The following CYSTM1 variants were observed in gnomAD, a reference collection of about 807,000 sequenced individuals.
CYSTM1 encodes the protein cysteine rich transmembrane module containing 1.
Under a neutral mutation model 13.1 loss-of-function variants are expected in CYSTM1, and 4 were observed. That is an observed-to-expected ratio of 0.31 (90% CI 0.15 to 0.70). The LOEUF is 0.70. CYSTM1 is among the 30% of genes least tolerant of loss of function. The pLI is 0.72. For synonymous variants in CYSTM1, 36 were observed against 42.7 expected, an observed-to-expected ratio of 0.84 and a Z score of 0.62; for missense variants, 96 against 121.6, an observed-to-expected ratio of 0.79 and a Z score of 0.99.
chr5:140,208,156 C>G (rs1033684949), intron 2 of CYSTM1, among the ~76,000 whole-genome samples: 3 of 152,224 alleles, frequency 2.0e-5, no homozygotes, highest in African/African-American at 7.2e-5. Flanking sequence ...TTTGTTGCAG[C>G]TTTGTTCACA....
At chr5:140,193,387 G>A (rs896993529) in intron 1 of CYSTM1, among the ~76,000 whole-genome samples, 4 of 152,122 alleles carry the variant, frequency 2.6e-5, no homozygotes, top group African/African-American at 2.4e-5. Context: ...AAGTTCAAGC[G>A]ATTCTCCTGC....
At position 140,194,543 on chromosome 5, in the gene CYSTM1, G is replaced by A. The variant is rs993099528; in HGVS notation, c.78G>A (p.Met26Ile). Residue 26 changes from methionine (M) to isoleucine (I), a missense_variant, in exon 2 of 3, where the codon ATG (methionine) becomes ATA (isoleucine). By Grantham distance (10) the Met-to-Ile change is conservative. Coordinates refer to ENST00000261811, the MANE Select transcript of CYSTM1 (RefSeq NM_032412.4). Reference protein sequence around the residue: ...APYPPYPPQPMGPGPMGGPYP... With the variant: ...APYPPYPPQPIGPGPMGGPYP... ...ACCCACCTTATCCACCACAACCAAT[G>A]GGTCCAGGACCTATGGGGGGACCCT... 1 of 1,613,658 alleles carries A rather than the reference G, an allele frequency of 6.2e-7. No homozygotes were observed.
intron 1 of CYSTM1, among the ~76,000 whole-genome samples, chr5:140,183,648 G>A (rs943027585): frequency 1.3e-5 from 2 of 152,246 alleles, no homozygotes; most frequent in Admixed American, 6.5e-5. Flanking sequence ...GCAGTATGGG[G>A]AAGGTATTAT....
At chr5:140,227,635 G>A (rs1041107468) in intron 2 of CYSTM1, among the ~76,000 whole-genome samples, 2 of 152,174 alleles carry the variant, frequency 1.3e-5, no homozygotes, top group Non-Finnish European at 2.9e-5. Context: ...AGGCAGCCCA[G>A]GACTGAGGAT....
chr5:140,196,815 T>C (rs1257535535), intron 2 of CYSTM1, among the ~76,000 whole-genome samples: 1 of 152,164 alleles, frequency 6.6e-6, no homozygotes, highest in Non-Finnish European at 1.5e-5. Flanking sequence ...AAAAACTATG[T>C]ATGATGCCAG....
chr5:140,232,983 T>C (rs1764634618), intron 2 of CYSTM1, among the ~76,000 whole-genome samples: 1 of 152,194 alleles, frequency 6.6e-6, no homozygotes, highest in South Asian at 2.1e-4. Flanking sequence ...ATCCATGCCC[T>C]GGGGAGGTCC....
intron 1 of CYSTM1, among the ~76,000 whole-genome samples, chr5:140,177,286 T>G (rs760442610): frequency 5.3e-5 from 8 of 152,066 alleles, no homozygotes; most frequent in Non-Finnish European, 7.4e-5. Flanking sequence ...CTGTCTATTT[T>G]ATTTTATTTA....
Position 140,175,380 on chromosome 5 carries a change from G to C in CYSTM1, c.-21+95G>C, listed in dbSNP as rs1269409517. On this transcript the variant is annotated intron_variant, in intron 1 of 2. Coordinates refer to ENST00000261811, the MANE Select transcript of CYSTM1 (RefSeq NM_032412.4). The surrounding 1 kb of genome is among the most constrained non-coding windows in gnomAD (Gnocchi z 4.9). ...CCCCGGGCTCCCTGGGGAGCGCCCT[G>C]AGAACTGGGGGGCACCCGGGCTGGC... 6.6e-6 allele frequency: 1 copy of C among 152,424 alleles called. No homozygotes were observed. The highest frequency in any genetic ancestry group is 1.9e-4 in the East Asian group (1 of 5,174). 9.4% of individuals were successfully genotyped at this position (152,424 alleles called of 1,614,324 possible). A position where few individuals can be genotyped will look rare whatever the true frequency, so the allele number is the denominator to read the frequency against.
intron 1 of CYSTM1, among the ~76,000 whole-genome samples, chr5:140,182,469 A>G (rs1356312617): frequency 6.6e-6 from 1 of 152,100 alleles, no homozygotes; most frequent in Non-Finnish European, 1.5e-5. Flanking sequence ...AAGAGGCCTG[A>G]GTGGTGGTGA....
intron 1 of CYSTM1, among the ~76,000 whole-genome samples, chr5:140,178,441 CTTTTT>C (rs577709524): frequency 2.3e-4 from 12 of 52,666 alleles, no homozygotes; most frequent in South Asian, 2.2e-3. Context: ...CAAGTCCTTC[CTTTTT>C]TTTTTTTTTT....
chr5:140,213,509 A>T (rs947485144), intron 2 of CYSTM1, among the ~76,000 whole-genome samples: 1 of 152,222 alleles, frequency 6.6e-6, no homozygotes, highest in Non-Finnish European at 1.5e-5. Context: ...TGTTCAGTAT[A>T]TATGAAGTCT....
intron 2 of CYSTM1, among the ~76,000 whole-genome samples, chr5:140,226,341 A>G (rs1293498487): frequency 6.7e-6 from 1 of 150,266 alleles, no homozygotes; most frequent in African/African-American, 2.5e-5. Context: ...TAAAATTCCT[A>G]TTCTGGGCTG....
chr5:140,195,118 T>G (rs1764139117), intron 2 of CYSTM1, among the ~76,000 whole-genome samples: 1 of 152,232 alleles, frequency 6.6e-6, no homozygotes, highest in Non-Finnish European at 1.5e-5. Flanking sequence ...AGTTGAGTTT[T>G]CAGGAGGCTC....
At chr5:140,241,745 C>T (rs1407353757) in intron 2 of CYSTM1, among the ~76,000 whole-genome samples, 2 of 152,164 alleles carry the variant, frequency 1.3e-5, no homozygotes, top group African/African-American at 2.4e-5. Context: ...CTGGGGCTTT[C>T]CTGCTGCAGT....
chr5:140,236,503 A>G (rs1764682889), intron 2 of CYSTM1, among the ~76,000 whole-genome samples: 2 of 152,268 alleles, frequency 1.3e-5, no homozygotes, highest in Admixed American at 6.5e-5. Flanking sequence ...TTTGAAATGT[A>G]CTATATGATC....
chr5:140,226,347 G>T (rs1764548833), intron 2 of CYSTM1, among the ~76,000 whole-genome samples: 3 of 149,612 alleles, frequency 2.0e-5, no homozygotes, highest in African/African-American at 7.4e-5. Context: ...TCCTATTCTG[G>T]GCTGGGCGCG....
intron 2 of CYSTM1, among the ~76,000 whole-genome samples, chr5:140,227,718 C>G (rs536741741): frequency 1.2e-4 from 19 of 152,186 alleles, no homozygotes; most frequent in Non-Finnish European, 2.5e-4. Flanking sequence ...TATCTTAGAG[C>G]AGTTGAAATA....
intron 1 of CYSTM1, among the ~76,000 whole-genome samples, chr5:140,177,088 T>A (rs1273967091): frequency 1.2e-4 from 9 of 77,486 alleles, no homozygotes; most frequent in African/African-American, 3.0e-4. Flanking sequence ...AAAAAAAAAA[T>A]CTCTAGTCCT....
intron 2 of CYSTM1, among the ~76,000 whole-genome samples, chr5:140,195,476 C>G (rs1221624171): frequency 7.7e-6 from 1 of 130,054 alleles, no homozygotes; most frequent in South Asian, 2.4e-4. Flanking sequence ...GAGTCTCACT[C>G]TGTTGCCCAG....
Sources: allele counts gnomAD v4.1 joint callset (sites outside exome capture counted in the v4.1 genomes callset), GRCh38; gene constraint gnomAD v4.1.1; non-coding constraint Gnocchi (gnomAD v3.1); transcripts MANE v1.5; gene names NCBI Gene and HGNC (gene_info 2026-07-23, HGNC 2026-07-21).